Variants in RBFOX1 observed in about 807,000 individuals in gnomAD.
RBFOX1 encodes RNA binding protein fox-1 homolog 1.
Under a neutral mutation model 57.7 loss-of-function variants are expected in RBFOX1, and 8 were observed. The ratio of observed to expected loss-of-function variants is 0.14; its 90% CI spans 0.08 to 0.25. RBFOX1 has a LOEUF of 0.25. RBFOX1 is among the 10% of genes least tolerant of loss of function. The pLI is 1.00. For synonymous variants in RBFOX1, 326 were observed against 222.4 expected, an observed-to-expected ratio of 1.47 and a Z score of -4.15; for missense variants, 611 against 548.5, an observed-to-expected ratio of 1.11 and a Z score of -1.14.
At chr16:6,754,393 G>C (rs1050575723) in intron 3 of RBFOX1, among the ~76,000 whole-genome samples, 1 of 152,180 alleles carries the variant, frequency 6.6e-6, no homozygotes, top group Non-Finnish European at 1.5e-5. Context: ...TAAAAGCAAA[G>C]TCATCTTGGG....
chr16:7,029,232 ATACG>A lies in RBFOX1; in HGVS notation c.-15-22822_-15-22819del. Among the ~76,000 whole-genome samples, 2 of 72,140 alleles carry A rather than the reference ATACG, an allele frequency of 2.8e-5. 1 individual carries two copies. The highest frequency in any genetic ancestry group is 1.5e-4 in the African/African-American group (2 of 13,392). The allele number at this position is 72,140 out of a possible 152,430, so 47.3% of individuals were successfully genotyped here. ...TACGTATATATATACACACATATATATACGTATACGTATATATATACACACATAT... is the reference window on the plus strand; with the variant it reads ...TACGTATATATATACACACATATATATATACGTATATATATACACACATAT... On this transcript the variant is annotated intron_variant, in intron 3 of 15. Transcript: ENST00000550418.
At chr16:6,428,848 A>T (rs1733174063) in intron 2 of RBFOX1, among the ~76,000 whole-genome samples, 1 of 152,250 alleles carries the variant, frequency 6.6e-6, no homozygotes, top group African/African-American at 2.4e-5. Flanking sequence ...TTCAACACAC[A>T]AACGAGGCTG....
At chr16:7,453,638 A>G (rs1027254768) in intron 4 of RBFOX1, among the ~76,000 whole-genome samples, 7 of 152,018 alleles carry the variant, frequency 4.6e-5, no homozygotes, top group Middle Eastern at 3.2e-3. Context: ...AAGCGTGTAT[A>G]GAGGATGTGT....
chr16:5,891,123 A>G (rs74004681), intron 4 of RBFOX1, among the ~76,000 whole-genome samples: 11,572 of 152,266 alleles, frequency 0.076, 567 homozygotes, highest in African/African-American at 0.13. Context: ...GGCCCAGCAC[A>G]GAAGTCAGTT....
At chr16:6,141,753 C>G (rs550456800) in intron 1 of RBFOX1, among the ~76,000 whole-genome samples, 4 of 152,082 alleles carry the variant, frequency 2.6e-5, no homozygotes, top group Non-Finnish European at 5.9e-5. Flanking sequence ...TTATTGTATG[C>G]TGATCTATTT....
chr16:6,558,556 A>C (rs567076788), intron 2 of RBFOX1, among the ~76,000 whole-genome samples: 143 of 152,214 alleles, frequency 9.4e-4, no homozygotes, highest in Non-Finnish European at 1.8e-3. Context: ...GACTTTCAAA[A>C]GTTTCCCTAC....
chr16:5,898,824 C>T (rs1266826489), intron 4 of RBFOX1, among the ~76,000 whole-genome samples: 1 of 151,228 alleles, frequency 6.6e-6, no homozygotes, highest in Non-Finnish European at 1.5e-5. Flanking sequence ...CTTTGTGGGG[C>T]TGAGAAGGGA....
intron 1 of RBFOX1, among the ~76,000 whole-genome samples, chr16:6,191,715 G>A (rs1014710232): frequency 6.6e-6 from 1 of 152,030 alleles, no homozygotes; most frequent in Non-Finnish European, 1.5e-5. Flanking sequence ...AAGATGTTTT[G>A]ACTTATTTAA....
At chr16:5,911,141 G>T (rs1285090269) in intron 4 of RBFOX1, among the ~76,000 whole-genome samples, 2 of 152,192 alleles carry the variant, frequency 1.3e-5, no homozygotes, top group Non-Finnish European at 2.9e-5. Flanking sequence ...GAGGGAGCCT[G>T]GGGTGCTTGG....
intron 9 of RBFOX1, among the ~76,000 whole-genome samples, chr16:7,602,389 G>C (rs547232319): frequency 1.0e-3 from 152 of 152,232 alleles, no homozygotes; most frequent in African/African-American, 3.5e-3. Context: ...GGGCTGGGGG[G>C]GCCCTGGGAG....
At chr16:6,332,564 C>T (rs1473963555) in intron 2 of RBFOX1, among the ~76,000 whole-genome samples, 2 of 152,166 alleles carry the variant, frequency 1.3e-5, no homozygotes, top group Non-Finnish European at 2.9e-5. Context: ...TTCTTTCCTT[C>T]ATAAAATGTT....
At chr16:7,360,736 A>G (rs2097304569) in intron 4 of RBFOX1, among the ~76,000 whole-genome samples, 1 of 152,194 alleles carries the variant, frequency 6.6e-6, no homozygotes. Flanking sequence ...CCAATGTCCC[A>G]CACACTGGGA....
intron 4 of RBFOX1, among the ~76,000 whole-genome samples, chr16:7,463,414 T>C (rs987394786): frequency 1.3e-5 from 2 of 152,110 alleles, no homozygotes; most frequent in African/African-American, 4.8e-5. Context: ...TGACACAGGA[T>C]AATCACTTGA....
Position 7,671,617 on chromosome 16 carries a change from G to C in RBFOX1, c.931-5157G>C, listed in dbSNP as rs375075227. On this transcript the variant is annotated intron_variant, in intron 13 of 15. Transcript: ENST00000550418. Reference sequence around the variant, plus strand: ...TGCTGCAGGTATGAAATCCCGACTGGTGGAGAAACTCATCACTATGATTGT... The same window carrying C: ...TGCTGCAGGTATGAAATCCCGACTGCTGGAGAAACTCATCACTATGATTGT... The C allele has an allele frequency of 1.7e-5, 27 of 1,603,370 alleles. No homozygotes were observed. The African/African-American group carries it at 2.8e-4, about 17-fold the overall frequency.
chr16:5,561,502 C>G (rs2045889276), intron 2 of RBFOX1, among the ~76,000 whole-genome samples: 2 of 151,984 alleles, frequency 1.3e-5, no homozygotes, highest in South Asian at 4.2e-4. Context: ...AACAGTCATT[C>G]TAACTTAATT....
At chr16:6,469,515 A>G (rs2095126848) in intron 2 of RBFOX1, among the ~76,000 whole-genome samples, 2 of 152,208 alleles carry the variant, frequency 1.3e-5, no homozygotes, top group Non-Finnish European at 2.9e-5. Flanking sequence ...GTTAGCTTTG[A>G]AAACAAGACA....
intron 4 of RBFOX1, among the ~76,000 whole-genome samples, chr16:7,188,387 A>C (rs1281115462): frequency 6.6e-6 from 1 of 152,234 alleles, no homozygotes; most frequent in Non-Finnish European, 1.5e-5. Flanking sequence ...GTTTTATGAA[A>C]AACCTAGAGT....
At chr16:7,337,345 G>A (rs1305819745) in intron 4 of RBFOX1, among the ~76,000 whole-genome samples, 1 of 152,136 alleles carries the variant, frequency 6.6e-6, no homozygotes, top group African/African-American at 2.4e-5. Context: ...GAAGGGAACT[G>A]GTATTTGAGT....
At position 7,183,906 on chromosome 16, in the gene RBFOX1, G is replaced by A. The variant is rs572159430; in HGVS notation, c.27+131808G>A. ...TCTAATTGAGGGAGTAGTTTAAAGG[G>A]GATAGATGGGAATTAATAAACCAAT... On this transcript the variant is annotated intron_variant, in intron 4 of 15. Coordinates refer to ENST00000550418, the MANE Select transcript of RBFOX1 (RefSeq NM_018723.4). Among the ~76,000 whole-genome samples, 24 of 152,258 alleles carry A rather than the reference G, an allele frequency of 1.6e-4. No homozygotes were observed. The South Asian group carries it at 5.0e-3, about 32-fold the overall frequency.
Sources: gnomAD v4.1 joint callset for allele counts (sites outside exome capture counted in the v4.1 genomes callset) on GRCh38, gnomAD v4.1.1 for gene constraint, MANE v1.5 for transcripts, NCBI Gene and HGNC (gene_info 2026-07-23, HGNC 2026-07-21) for gene names.